AHCTF1: variants seen among roughly 807,000 people sequenced by gnomAD.
AHCTF1 encodes protein ELYS.
Under a neutral mutation model 248.4 loss-of-function variants are expected in AHCTF1, and 24 were observed. The ratio of observed to expected loss-of-function variants is 0.10; its 90% CI spans 0.07 to 0.14. The LOEUF (loss-of-function observed/expected upper bound fraction) is 0.14. Ranked by LOEUF, AHCTF1 falls within the 10% of genes least tolerant of loss-of-function variation. AHCTF1 has a pLI of 1.00. For missense variants in AHCTF1, 2,206 were observed against 2,636.2 expected, an observed-to-expected ratio of 0.84 and a Z score of 3.57; for synonymous variants, 786 against 929.8, an observed-to-expected ratio of 0.85 and a Z score of 2.81.
chr1:246,899,553 TA>T (rs1283946970), intron 10 of AHCTF1, 41 bp from the exon 11 acceptor site: 1 of 1,511,616 alleles, frequency 6.6e-7, no homozygotes, highest in Admixed American at 1.8e-5. Context: ...TACATATATT[TA>T]AAATGGCATT....
intron 4 of AHCTF1, among the ~76,000 whole-genome samples, chr1:246,908,926 T>C (rs567089503): frequency 8.8e-4 from 133 of 150,752 alleles, no homozygotes; most frequent in Middle Eastern, 3.4e-3. Context: ...AGAATCTTAA[T>C]GAATGAAACA....
chr1:246,850,616 G>C lies in AHCTF1; in HGVS notation c.5390C>G (p.Ser1797Cys). The change falls in exon 33 of 36, where the codon TCT becomes TGT. Residue 1797 changes from serine to cysteine, a missense_variant. This residue lies in a region of AHCTF1 where 955 missense variants were observed against 1,055.6 expected (regional missense o/e 0.90). Transcript: ENST00000648844. ...ATTTTGAGGTATTTGCTGGTTCTGA[G>C]ATAGTCCTCTGACATCAGAATAGAT... is the stretch of plus-strand genomic sequence containing the variant. ...ENIYSDVRGL[S>C]QNQQIPQNSV... The C allele has an allele frequency of 6.2e-7, 1 of 1,613,636 alleles. No individual in the cohort carries two copies. The highest frequency in any genetic ancestry group is 8.5e-7 in the Non-Finnish European group (1 of 1,179,770).
chr1:246,877,806 C>G (rs1359091781), intron 21 of AHCTF1, among the ~76,000 whole-genome samples: 1 of 152,100 alleles, frequency 6.6e-6, no homozygotes, highest in East Asian at 1.9e-4. Flanking sequence ...TCTCAGACAC[C>G]ATGCAGAGGT....
In AHCTF1 at chr1:246,931,739, G is replaced by C. The variant is rs941512517; in HGVS notation, c.-169C>G. 6.5e-6 allele frequency: 1 copy of C among 152,890 alleles called. No homozygotes were observed. Among genetic ancestry groups the C allele is most frequent in the African/African-American group, 2.4e-5 (1 of 41,406 alleles). The allele number at this position is 152,890 out of a possible 1,614,324, so 9.5% of individuals were successfully genotyped here. Reference sequence around the variant, plus strand: ...CGCCCGGCTGAAGCCGCTCCTCTGCGCTCCGGCCGCCGCCTGCGACCTCCC... The same window carrying C: ...CGCCCGGCTGAAGCCGCTCCTCTGCCCTCCGGCCGCCGCCTGCGACCTCCC... On this transcript the variant is annotated 5_prime_UTR_variant, in exon 1 of 36. Coordinates refer to ENST00000648844, the MANE Select transcript of AHCTF1 (RefSeq NM_001323342.2).
At chr1:246,844,304 C>T (rs1660092429) in intron 33 of AHCTF1, among the ~76,000 whole-genome samples, 1 of 152,154 alleles carries the variant, frequency 6.6e-6, no homozygotes, top group African/African-American at 2.4e-5. Context: ...GCCATAACTA[C>T]TGCTATTGCA....
chr1:246,879,943 T>G (rs1037864777), intron 21 of AHCTF1, among the ~76,000 whole-genome samples: 4 of 152,142 alleles, frequency 2.6e-5, no homozygotes, highest in African/African-American at 9.7e-5. Context: ...ATTATAAAAT[T>G]AGCACCAAAC....
chr1:246,900,877 C>T (rs1383167057), intron 8 of AHCTF1, among the ~76,000 whole-genome samples: 1 of 152,022 alleles, frequency 6.6e-6, no homozygotes, highest in Non-Finnish European at 1.5e-5. Flanking sequence ...TTATGATGAA[C>T]CTTAGCTGAG....
chr1:246,899,073 G>C (rs933030049), intron 11 of AHCTF1, among the ~76,000 whole-genome samples: 5 of 152,122 alleles, frequency 3.3e-5, no homozygotes, highest in Non-Finnish European at 5.9e-5. Flanking sequence ...TGCGCAACAA[G>C]AGCGAAACTC....
chr1:246,911,155 T>C (rs1166645762), intron 4 of AHCTF1, among the ~76,000 whole-genome samples: 1 of 152,224 alleles, frequency 6.6e-6, no homozygotes, highest in Non-Finnish European at 1.5e-5. Context: ...GTGCACCTAC[T>C]GATTACTGAC....
At chr1:246,909,079 A>ATACC in intron 4 of AHCTF1, among the ~76,000 whole-genome samples, 1 of 143,286 alleles carries the variant, frequency 7.0e-6, no homozygotes, top group East Asian at 2.0e-4. Context: ...ATATATATCT[A>ATACC]TATCTATCTA....
In AHCTF1 at chr1:246,853,189, C is replaced by T. The variant is rs1029363366; in HGVS notation, c.4465G>A (p.Asp1489Asn). Residue 1489 changes from aspartate to asparagine, a missense_variant, in exon 32 of 36, where the codon GAT becomes AAT. Physicochemically the swap from Asp to Asn is conservative, Grantham distance 23. Transcript: ENST00000648844. ...NQEVALNLKE[D>N]HEVEVGVLKE... is the part of the protein sequence containing the mutation. ...AGTACACCAACTTCTACTTCATGAT[C>T]TTCTTTTAAGTTCAGCGCTACTTCC... The T allele has an allele frequency of 3.5e-5, 57 of 1,613,128 alleles. No homozygotes were observed. The highest frequency in any genetic ancestry group is 4.8e-5 in the Non-Finnish European group (57 of 1,179,514).
At chr1:246,912,247 C>T (rs556416104) in intron 4 of AHCTF1, among the ~76,000 whole-genome samples, 39 of 151,826 alleles carry the variant, frequency 2.6e-4, no homozygotes, top group Non-Finnish European at 2.6e-4. Flanking sequence ...GAGGCCAAGG[C>T]GGGCGGATCA....
rs1410440976 is a variant in AHCTF1, at chr1:246,850,013, T to G, written c.5993A>C (p.Lys1998Thr). The change falls in exon 33 of 36, where the codon AAG becomes ACG. Residue 1998 changes from lysine (K) to threonine (T), a missense_variant. By Grantham distance (78) the Lys-to-Thr change is moderately conservative. Transcript: ENST00000648844. The part of the protein sequence containing the change: ...SKAVKEERSP[K>T]KKEAPSIRRR... ...TCTAATGCTGGGAGCTTCTTTCTTCTTGGGGCTTCTCTCTTCCTTAACAGC... is the reference window on the plus strand; with the variant it reads ...TCTAATGCTGGGAGCTTCTTTCTTCGTGGGGCTTCTCTCTTCCTTAACAGC... 3 of 1,613,690 alleles carry G rather than the reference T, an allele frequency of 1.9e-6. No individual in the cohort carries two copies. The highest frequency in any genetic ancestry group is 2.5e-6 in the Non-Finnish European group (3 of 1,179,834).
chr1:246,861,427 C>T (rs1661542898), intron 28 of AHCTF1, 132 bp from the exon 29 acceptor site: 20 of 872,546 alleles, frequency 2.3e-5, no homozygotes, highest in Non-Finnish European at 3.1e-5. Context: ...AATAAAAATT[C>T]ATTTATTCTA....
At chr1:246,859,552 T>A (rs1160510097) in intron 29 of AHCTF1, among the ~76,000 whole-genome samples, 1 of 152,132 alleles carries the variant, frequency 6.6e-6, no homozygotes, top group Non-Finnish European at 1.5e-5. Context: ...ACTCAAAACA[T>A]TTTTTGATCA....
chr1:246,913,778 T>TG (rs1438726922), intron 3 of AHCTF1, among the ~76,000 whole-genome samples: 4 of 152,230 alleles, frequency 2.6e-5, no homozygotes, highest in Non-Finnish European at 5.9e-5. Flanking sequence ...TCAGTCTAGT[T>TG]ATTCAAGCCA....
intron 33 of AHCTF1, among the ~76,000 whole-genome samples, chr1:246,845,205 G>GT (rs1040468589): frequency 2.6e-5 from 4 of 151,900 alleles, no homozygotes; most frequent in African/African-American, 7.3e-5. Flanking sequence ...TTAAAAAAAT[G>GT]TTTTTTGTGG....
chr1:246,915,596 T>A (rs907305304), intron 3 of AHCTF1, among the ~76,000 whole-genome samples: 2 of 152,210 alleles, frequency 1.3e-5, no homozygotes, highest in Non-Finnish European at 2.9e-5. Flanking sequence ...TATTAAAGTA[T>A]TCACTATATT....
chr1:246,853,871 C>T lies in AHCTF1; in HGVS notation c.4355-572G>A, dbSNP rs1460669119. The stretch of plus-strand genomic sequence containing the variant: ...TGGAAAATGGGGCTATTATCCCTAA[C>T]ATGTGGATACTAATAAAACAAAATG... On this transcript the variant is annotated intron_variant, in intron 31 of 35. Coordinates refer to ENST00000648844, the MANE Select transcript of AHCTF1 (RefSeq NM_001323342.2). Among the ~76,000 whole-genome samples the T allele has an allele frequency of 4.0e-5, 6 of 150,948 alleles. No individual in the cohort carries two copies. In the East Asian group the frequency reaches 9.6e-4, roughly 24 times the overall value.
Sources: gnomAD v4.1 joint callset for allele counts (sites outside exome capture counted in the v4.1 genomes callset) on GRCh38, gnomAD v4.1.1 for gene constraint, gnomAD v4.1.1 regional missense constraint, MANE v1.5 for transcripts, NCBI Gene and HGNC (gene_info 2026-07-23, HGNC 2026-07-21) for gene names.